SWT1: variants seen among roughly 807,000 people sequenced by gnomAD.
SWT1 encodes SWT1 RNA endoribonuclease homolog.
SWT1 carries 33 observed loss-of-function variants against 107.3 expected under a neutral mutation model. The observed-to-expected ratio is 0.31, with a 90% CI of 0.23 to 0.41. The LOEUF (loss-of-function observed/expected upper bound fraction) is 0.41, where lower values mean the gene tolerates loss of function less well. Among genes scored for constraint, SWT1 ranks in the 10% least tolerant of loss-of-function variants. The probability of loss-of-function intolerance (pLI) is 1.00; values close to 1 mark genes in which losing one functional copy is unlikely to be tolerated. For missense variants in SWT1, 898 were observed against 1,028.9 expected (o/e 0.87, Z 1.74); for synonymous variants, 345 against 348.3 (o/e 0.99, Z 0.11).
rs533900528 is a variant in SWT1, at chr1:185,168,467, A to T, written c.224+69A>T. On this transcript the variant is annotated intron_variant, in intron 4 of 18. Transcript: ENST00000367500. ...TGAGACTAAATATTTGGATTTAAAAATTTTTTTTATTTACTTTGAAGAGGA... is the reference window on the plus strand; with the variant it reads ...TGAGACTAAATATTTGGATTTAAAATTTTTTTTTATTTACTTTGAAGAGGA... 5.1e-5 allele frequency: 50 copies of T among 988,156 alleles called. No homozygotes were observed. In the Middle Eastern group the frequency reaches 1.1e-3, roughly 21 times the overall value. The allele number at this position is 988,156 out of a possible 1,614,324, so 61.2% of individuals were successfully genotyped here. A position where few individuals can be genotyped will look rare whatever the true frequency, so the allele number is the denominator to read the frequency against.
intron 13 of SWT1, among the ~76,000 whole-genome samples, chr1:185,212,912 A>T (rs542842562): frequency 6.6e-6 from 1 of 152,102 alleles, no homozygotes; most frequent in Non-Finnish European, 1.5e-5. Context: ...TGAATTATAT[A>T]TTTGTTTAAC....
intron 16 of SWT1, among the ~76,000 whole-genome samples, chr1:185,240,885 A>G (rs964066841): frequency 2.6e-5 from 4 of 152,104 alleles, no homozygotes; most frequent in Non-Finnish European, 5.9e-5. Context: ...ATTTTAACGT[A>G]AGAACAGACC....
intron 18 of SWT1, among the ~76,000 whole-genome samples, chr1:185,288,972 A>G (rs1433626245): frequency 4.6e-5 from 7 of 152,208 alleles, no homozygotes; most frequent in Admixed American, 4.6e-4. Flanking sequence ...GGTTACTAAC[A>G]TTCCTTTGGT....
intron 16 of SWT1, among the ~76,000 whole-genome samples, chr1:185,265,065 T>A (rs1663277714): frequency 6.6e-6 from 1 of 152,146 alleles, no homozygotes; most frequent in African/African-American, 2.4e-5. Flanking sequence ...ATAAAAGATT[T>A]CTAGTATTCT....
chr1:185,165,613 C>G (rs1654502700), intron 2 of SWT1, among the ~76,000 whole-genome samples: 1 of 152,202 alleles, frequency 6.6e-6, no homozygotes. Flanking sequence ...AATATAAGTA[C>G]AATCATGTTA....
intron 3 of SWT1, among the ~76,000 whole-genome samples, chr1:185,167,648 A>C (rs1267888026): frequency 6.6e-6 from 1 of 152,156 alleles, no homozygotes; most frequent in African/African-American, 2.4e-5. Flanking sequence ...AAATTTGTTC[A>C]TACCTTAACT....
At chr1:185,176,142 G>C (rs775298129) in intron 5 of SWT1, among the ~76,000 whole-genome samples, 1 of 151,792 alleles carries the variant, frequency 6.6e-6, no homozygotes, top group Non-Finnish European at 1.5e-5. Flanking sequence ...ATAAAAATTA[G>C]CTGGGTGTGG....
chr1:185,238,842 AAAG>A (rs1403720499), intron 16 of SWT1, among the ~76,000 whole-genome samples: 2 of 152,098 alleles, frequency 1.3e-5, no homozygotes, highest in East Asian at 1.9e-4. Flanking sequence ...TGTTAAATCA[AAAG>A]AAGCTCAGTT....
Position 185,174,856 on chromosome 1 carries a change from C to T in SWT1, c.709C>T (p.Pro237Ser). Residue 237 changes from proline to serine, a missense_variant, in exon 5 of 19, where the codon CCT (proline) becomes TCT (serine). By Grantham distance (74) the Pro-to-Ser change is moderately conservative. Around this residue, in one of 6 missense-constraint regions of SWT1, gnomAD observed 382 missense variants for 362.4 expected, o/e 1.05. Transcript: ENST00000367500. ...AAGACAGAAGATCAGTTTCAAAATC[C>T]CTATAAAATCCCGTGACACCCTCCA... Reference protein sequence around the residue: ...SRRQKISFKIPIKSRDTLQKL... With the variant: ...SRRQKISFKISIKSRDTLQKL... The T allele has an allele frequency of 6.2e-7, 1 of 1,613,920 alleles. No homozygotes were observed. The highest frequency in any genetic ancestry group is 8.5e-7 in the Non-Finnish European group (1 of 1,179,972).
At chr1:185,267,123 G>T (rs1663461939) in intron 16 of SWT1, among the ~76,000 whole-genome samples, 1 of 152,122 alleles carries the variant, frequency 6.6e-6, no homozygotes, top group African/African-American at 2.4e-5. Flanking sequence ...GTAATCTTAG[G>T]CAAGTATCTT....
Position 185,214,654 on chromosome 1 carries a change from A to G in SWT1, c.2120A>G (p.Glu707Gly). 1 of 1,603,050 alleles carries G rather than the reference A, an allele frequency of 6.2e-7. No individual in the cohort carries two copies. Among genetic ancestry groups the G allele is most frequent in the Non-Finnish European group, 8.5e-7 (1 of 1,176,344 alleles). ...QVNNLLQTFA[E>G]VKTKLKPNSS... ...AACAACCTCCTTCAGACATTTGCAGAGGTAAGATGCCTTTGGAATGCCAGT... is the reference window on the plus strand; with the variant it reads ...AACAACCTCCTTCAGACATTTGCAGGGGTAAGATGCCTTTGGAATGCCAGT... The change falls in exon 14 of 19, where the codon GAG becomes GGG. Residue 707 changes from glutamate to glycine, a missense_variant and splice_region_variant. By Grantham distance (98) the Glu-to-Gly change is moderately conservative. Coordinates refer to ENST00000367500, the MANE Select transcript of SWT1 (RefSeq NM_017673.7).
At chr1:185,173,254 G>A (rs1655240192) in intron 4 of SWT1, among the ~76,000 whole-genome samples, 1 of 151,936 alleles carries the variant, frequency 6.6e-6, no homozygotes, top group African/African-American at 2.4e-5. Context: ...TTTGCTAGAA[G>A]TTAGTACATC....
intron 1 of SWT1, 48 bp from the exon 2 acceptor site, chr1:185,160,785 T>A (rs1256790159): frequency 7.4e-7 from 1 of 1,349,554 alleles, no homozygotes. Flanking sequence ...ATTTCTATTT[T>A]CTTTTTGAGT....
intron 2 of SWT1, among the ~76,000 whole-genome samples, chr1:185,163,438 G>C (rs1654324328): frequency 6.8e-6 from 1 of 146,482 alleles, no homozygotes; most frequent in Admixed American, 7.0e-5. Context: ...GTGTCTCCCA[G>C]GCTGGAGTAC....
chr1:185,180,530 A>G (rs939170607), intron 6 of SWT1, 80 bp downstream of exon 6: 3 of 979,308 alleles, frequency 3.1e-6, no homozygotes, highest in Admixed American at 1.9e-5. Flanking sequence ...TAATGACTGT[A>G]GAAACCCTGA....
intron 16 of SWT1, among the ~76,000 whole-genome samples, chr1:185,247,967 T>G (rs556595711): frequency 2.0e-4 from 31 of 152,336 alleles, no homozygotes; most frequent in African/African-American, 6.7e-4. Flanking sequence ...TTTCCTAAAT[T>G]AATAGTTATT....
At chr1:185,207,343 C>G (rs1435512418) in intron 13 of SWT1, among the ~76,000 whole-genome samples, 1 of 152,164 alleles carries the variant, frequency 6.6e-6, no homozygotes, top group African/African-American at 2.4e-5. Flanking sequence ...GCCTCTGCTG[C>G]CACAGATGGA....
chr1:185,213,564 A>G (rs1658991118), intron 13 of SWT1, among the ~76,000 whole-genome samples: 2 of 152,144 alleles, frequency 1.3e-5, no homozygotes, highest in South Asian at 4.1e-4. Flanking sequence ...GAAACTCCTT[A>G]TTGTTTTTTA....
In SWT1 at chr1:185,160,781, A is replaced by AT; in HGVS notation, c.-9-48dup. ...TATAACTGAAAGAAGACAAATTTCT[A>AT]TTTTCTTTTTGAGTGCAAAAACAAA... On this transcript the variant is annotated intron_variant, in intron 1 of 18. Coordinates refer to ENST00000367500, the MANE Select transcript of SWT1 (RefSeq NM_017673.7). 3 of 1,302,584 alleles carry AT rather than the reference A, an allele frequency of 2.3e-6. No individual in the cohort carries two copies. In the South Asian group the frequency reaches 3.9e-5, roughly 17 times the overall value. 80.7% of individuals were successfully genotyped at this position (1,302,584 alleles called of 1,614,324 possible).
Sources: allele counts gnomAD v4.1 joint callset (sites outside exome capture counted in the v4.1 genomes callset), GRCh38; gene constraint gnomAD v4.1.1; regional missense constraint gnomAD v4.1.1; transcripts MANE v1.5; gene names NCBI Gene and HGNC (gene_info 2026-07-23, HGNC 2026-07-21).